The following CALCRL variants were observed in gnomAD, a reference collection of about 807,000 sequenced individuals.
CALCRL encodes calcitonin gene-related peptide type 1 receptor.
In CALCRL, 27 loss-of-function variants were observed where a neutral mutation model predicts 60.4. That is an observed-to-expected ratio of 0.45 (90% confidence interval 0.33 to 0.62). CALCRL has a LOEUF of 0.62. CALCRL is among the 20% of genes least tolerant of loss of function. CALCRL has a pLI of 0.03. For synonymous variants in CALCRL, 190 were observed against 182.6 expected, an observed-to-expected ratio of 1.04 and a Z score of -0.33; for missense variants, 424 against 540.7, an observed-to-expected ratio of 0.78 and a Z score of 2.14.
chr2:187,391,561 A>G (rs1414285962), intron 1 of CALCRL, among the ~76,000 whole-genome samples: 2 of 152,124 alleles, frequency 1.3e-5, no homozygotes, highest in African/African-American at 4.8e-5. Context: ...TCATATTGGC[A>G]CTGCTAGTTG....
chr2:187,429,869 A>G (rs1384646296), intron 1 of CALCRL, among the ~76,000 whole-genome samples: 1 of 136,818 alleles, frequency 7.3e-6, no homozygotes, highest in Non-Finnish European at 1.6e-5. Context: ...ACTCTCAAAC[A>G]TGTTATAAGT....
At chr2:187,378,318 A>T (rs558814135) in intron 8 of CALCRL, among the ~76,000 whole-genome samples, 17 of 152,256 alleles carry the variant, frequency 1.1e-4, no homozygotes, top group Admixed American at 2.0e-4. Flanking sequence ...ATGTGAAGGG[A>T]TAAAATAATG....
chr2:187,418,446 T>G (rs1235706574), intron 1 of CALCRL, among the ~76,000 whole-genome samples: 1 of 152,228 alleles, frequency 6.6e-6, no homozygotes, highest in East Asian at 1.9e-4. Context: ...TTAATGACAC[T>G]GTATCATGTT....
intron 12 of CALCRL, among the ~76,000 whole-genome samples, chr2:187,353,075 G>T (rs1337092808): frequency 6.6e-6 from 1 of 151,894 alleles, no homozygotes; most frequent in Non-Finnish European, 1.5e-5. Context: ...ACTCTAATGT[G>T]ACTCAGCAAA....
At chr2:187,410,268 C>T (rs1195706494) in intron 1 of CALCRL, among the ~76,000 whole-genome samples, 1 of 152,004 alleles carries the variant, frequency 6.6e-6, no homozygotes, top group African/African-American at 2.4e-5. Flanking sequence ...ATGGGGGATC[C>T]ATTTGAGTGG....
chr2:187,342,151 CTAT>C lies in CALCRL; in HGVS notation c.*4030_*4032del, dbSNP rs1367267808. 6.6e-6 allele frequency among the ~76,000 whole-genome samples: 1 copy of C among 151,702 alleles called. No individual in the cohort carries two copies. Among genetic ancestry groups the C allele is most frequent in the Non-Finnish European group, 1.5e-5 (1 of 67,760 alleles). ...TCATTTAGTCACAAAAGGTCACATA[CTAT>C]ATGATTACAATCATATGAAAGTCTA... On this transcript the variant is annotated 3_prime_UTR_variant, in exon 15 of 15. Coordinates refer to ENST00000392370, the MANE Select transcript of CALCRL (RefSeq NM_005795.6).
At chr2:187,347,763 C>T (rs1161497308) in intron 14 of CALCRL, among the ~76,000 whole-genome samples, 1 of 151,644 alleles carries the variant, frequency 6.6e-6, no homozygotes, top group African/African-American at 2.4e-5. Context: ...ATCTTATAGT[C>T]TGTCACTTAA....
intron 1 of CALCRL, among the ~76,000 whole-genome samples, chr2:187,433,301 T>A (rs1315905306): frequency 6.6e-6 from 1 of 152,138 alleles, no homozygotes; most frequent in East Asian, 1.9e-4. Context: ...CCAAAAATGC[T>A]ATGAAAGAAT....
chr2:187,367,903 G>C (rs1391762314), intron 8 of CALCRL, among the ~76,000 whole-genome samples: 1 of 152,000 alleles, frequency 6.6e-6, no homozygotes, highest in Non-Finnish European at 1.5e-5. Context: ...GGCCAGCAGA[G>C]TTACAGAGGC....
At chr2:187,425,160 T>C (rs1411110714) in intron 1 of CALCRL, among the ~76,000 whole-genome samples, 2 of 152,010 alleles carry the variant, frequency 1.3e-5, no homozygotes, top group East Asian at 3.9e-4. Context: ...TTTAACTGAT[T>C]GCTTGTTTCA....
chr2:187,424,805 A>G (rs930386005), intron 1 of CALCRL, among the ~76,000 whole-genome samples: 3 of 151,996 alleles, frequency 2.0e-5, no homozygotes, highest in African/African-American at 4.8e-5. Context: ...ATAATTTGGG[A>G]AGAAGAAATA....
At chr2:187,364,382 T>C (rs910283911) in intron 8 of CALCRL, among the ~76,000 whole-genome samples, 11 of 152,130 alleles carry the variant, frequency 7.2e-5, no homozygotes, top group African/African-American at 2.7e-4. Flanking sequence ...TGAACCTGAA[T>C]ACTTAATGTC....
intron 1 of CALCRL, among the ~76,000 whole-genome samples, chr2:187,417,671 C>G (rs544141440): frequency 2.6e-5 from 4 of 151,972 alleles, no homozygotes; most frequent in East Asian, 1.9e-4. Flanking sequence ...ATAATGTAAA[C>G]TACATTATTA....
chr2:187,417,855 G>A (rs1215483526), intron 1 of CALCRL, among the ~76,000 whole-genome samples: 4 of 152,088 alleles, frequency 2.6e-5, no homozygotes, highest in African/African-American at 9.7e-5. Context: ...CAGGAAAGAG[G>A]ATAATGTTTC....
chr2:187,353,846 T>C (rs1686650182), intron 12 of CALCRL, among the ~76,000 whole-genome samples: 3 of 151,980 alleles, frequency 2.0e-5, no homozygotes, highest in African/African-American at 4.8e-5. Flanking sequence ...AGTAGAAACA[T>C]TGCAATTTAG....
chr2:187,434,513 G>T (rs189286854), intron 1 of CALCRL, among the ~76,000 whole-genome samples: 3 of 152,048 alleles, frequency 2.0e-5, no homozygotes, highest in Non-Finnish European at 4.4e-5. Flanking sequence ...AAGATATGAC[G>T]CAATGGAAAC....
At chr2:187,391,134 T>C (rs1688424124) in intron 1 of CALCRL, among the ~76,000 whole-genome samples, 1 of 152,148 alleles carries the variant, frequency 6.6e-6, no homozygotes, top group African/African-American at 2.4e-5. Context: ...AATGATGACA[T>C]TGTTCTCAGG....
At position 187,403,362 on chromosome 2, in the gene CALCRL, T is replaced by C. The variant is rs1465796949; in HGVS notation, c.-292-15606A>G. 2.0e-5 allele frequency among the ~76,000 whole-genome samples: 3 copies of C among 151,802 alleles called. 1 individual carries two copies. The highest frequency in any genetic ancestry group is 4.8e-5 in the African/African-American group (2 of 41,386). On this transcript the variant is annotated intron_variant, in intron 1 of 14. Coordinates refer to ENST00000392370, the MANE Select transcript of CALCRL (RefSeq NM_005795.6). Reference sequence around the variant, plus strand: ...GTGGGGAAATACCTGAGTGCAGTTCTCACATCTTGAAGAAAAAATTGTCCA... The same window carrying C: ...GTGGGGAAATACCTGAGTGCAGTTCCCACATCTTGAAGAAAAAATTGTCCA...
intron 1 of CALCRL, among the ~76,000 whole-genome samples, chr2:187,429,851 T>C (rs1338815915): frequency 6.8e-6 from 1 of 147,480 alleles, no homozygotes; most frequent in Non-Finnish European, 1.5e-5. Context: ...CCAATTTATC[T>C]TCTTCAAACT....
Sources: gnomAD v4.1 joint callset for allele counts (sites outside exome capture counted in the v4.1 genomes callset) on GRCh38, gnomAD v4.1.1 for gene constraint, MANE v1.5 for transcripts, NCBI Gene and HGNC (gene_info 2026-07-23, HGNC 2026-07-21) for gene names.